PAPOLA: variants seen among roughly 807,000 people sequenced by gnomAD.
PAPOLA encodes polynucleotide adenylyltransferase alpha.
PAPOLA carries 15 observed loss-of-function variants against 100.6 expected under a neutral mutation model. That is an observed-to-expected ratio of 0.15 (90% CI 0.10 to 0.23). PAPOLA has a LOEUF of 0.23. PAPOLA is among the 10% of genes least tolerant of loss of function. PAPOLA has a pLI of 1.00. For missense variants in PAPOLA, 533 were observed against 884.2 expected, an observed-to-expected ratio of 0.60 and a Z score of 5.04; for synonymous variants, 293 against 300.0, an observed-to-expected ratio of 0.98 and a Z score of 0.24.
chr14:96,527,407 T>C (rs1898584436), intron 4 of PAPOLA, 23 bp from the exon 5 acceptor site: 3 of 1,407,064 alleles, frequency 2.1e-6, no homozygotes, highest in Non-Finnish European at 3.0e-6. Flanking sequence ...TAATTAGTGG[T>C]TGATGGGCTT....
chr14:96,548,022 T>A, intron 16 of PAPOLA, 104 bp downstream of exon 16: 1 of 962,160 alleles, frequency 1.0e-6, no homozygotes, highest in Non-Finnish European at 1.5e-6. Context: ...TCATTTTAAA[T>A]AGATGACAGC....
chr14:96,521,890 C>T (rs1354894019), intron 3 of PAPOLA, among the ~76,000 whole-genome samples: 1 of 152,110 alleles, frequency 6.6e-6, no homozygotes, highest in Non-Finnish European at 1.5e-5. Flanking sequence ...CAACCACCAC[C>T]TCCCGGGTTC....
chr14:96,544,057 T>G, intron 14 of PAPOLA, 92 bp from the exon 15 acceptor site: 1 of 731,170 alleles, frequency 1.4e-6, no homozygotes, highest in Non-Finnish European at 2.4e-6. Flanking sequence ...ACATTTGTAT[T>G]GTAAGTTTTT....
chr14:96,546,414 C>T (rs1900399978), intron 15 of PAPOLA, among the ~76,000 whole-genome samples: 1 of 152,098 alleles, frequency 6.6e-6, no homozygotes, highest in African/African-American at 2.4e-5. Flanking sequence ...TATCTTGCCT[C>T]CTTAAAACCT....
intron 9 of PAPOLA, chr14:96,534,262 A>C (rs1899325523): frequency 1.5e-5 from 20 of 1,345,226 alleles, no homozygotes; most frequent in Non-Finnish European, 9.5e-7. Flanking sequence ...GTGGCAGAGA[A>C]CGTTTTTGGT....
chr14:96,533,460 C>A, intron 9 of PAPOLA: 2 of 983,710 alleles, frequency 2.0e-6, no homozygotes, highest in Non-Finnish European at 2.4e-6. Flanking sequence ...AGAACCATGC[C>A]ACACTTTTCA....
rs1413020909 is a variant in PAPOLA at position 96,507,280 on chromosome 14, G to GTTTTTTGTT, written c.8+4686_8+4687insGTTTTTTTT. Among the ~76,000 whole-genome samples the GTTTTTTGTT allele has an allele frequency of 4.4e-3, 356 of 80,816 alleles. 5 individuals are homozygous for GTTTTTTGTT. Among genetic ancestry groups the GTTTTTTGTT allele is most frequent in the African/African-American group, 0.019 (332 of 17,702 alleles). 53.0% of individuals were successfully genotyped at this position (80,816 alleles called of 152,430 possible). A position where few individuals can be genotyped will look rare whatever the true frequency, so the allele number is the denominator to read the frequency against. ...ACTAAATTTTTTGTTTTGGAAAATA[G>GTTTTTTGTT]TTTTTTTTTTTTTTTTTTTTTTTTT... On this transcript the variant is annotated intron_variant, in intron 1 of 21. Transcript: ENST00000216277.
chr14:96,539,054 T>G (rs1039217552), intron 12 of PAPOLA, among the ~76,000 whole-genome samples: 3 of 152,114 alleles, frequency 2.0e-5, no homozygotes, highest in African/African-American at 4.8e-5. Context: ...TAACATTGTT[T>G]TGTGAAATTT....
Position 96,556,421 on chromosome 14 carries a change from T to C in PAPOLA, c.2004+8T>C, listed in dbSNP as rs1463153330. The C allele has an allele frequency of 1.3e-6, 2 of 1,553,366 alleles. No individual in the cohort carries two copies. Among genetic ancestry groups the C allele is most frequent in the African/African-American group, 2.7e-5 (2 of 73,490 alleles). Reference sequence around the variant, plus strand: ...AAAACCAAAACAGAAGAGGTATATATATGAAAAACATATTAGTTAGCCATG... The same window carrying C: ...AAAACCAAAACAGAAGAGGTATATACATGAAAAACATATTAGTTAGCCATG... On this transcript the variant is annotated splice_region_variant and intron_variant, in intron 19 of 21. Coordinates refer to ENST00000216277, the MANE Select transcript of PAPOLA (RefSeq NM_032632.5).
intron 18 of PAPOLA, 111 bp from the exon 19 acceptor site, chr14:96,556,064 T>G (rs1901296180): frequency 8.4e-7 from 1 of 1,183,488 alleles, no homozygotes; most frequent in Non-Finnish European, 1.2e-6. Flanking sequence ...TGCCAGTTTA[T>G]TTTTTGCATG....
intron 1 of PAPOLA, among the ~76,000 whole-genome samples, chr14:96,519,842 A>G (rs2140252808): frequency 6.6e-6 from 1 of 152,342 alleles, no homozygotes; most frequent in Non-Finnish European, 1.5e-5. Flanking sequence ...ATTCTAACTT[A>G]GATGTTTAAG....
intron 1 of PAPOLA, among the ~76,000 whole-genome samples, chr14:96,515,905 G>C (rs1897417547): frequency 6.6e-6 from 1 of 152,202 alleles, no homozygotes; most frequent in South Asian, 2.1e-4. Flanking sequence ...AGAATGGGAG[G>C]AGGAACTTTG....
At chr14:96,515,677 T>C (rs1897403035) in intron 1 of PAPOLA, among the ~76,000 whole-genome samples, 1 of 152,182 alleles carries the variant, frequency 6.6e-6, no homozygotes, top group Admixed American at 6.5e-5. Flanking sequence ...GAGACGAAAA[T>C]GGACCAGTTG....
intron 1 of PAPOLA, among the ~76,000 whole-genome samples, chr14:96,503,362 T>A (rs1050831607): frequency 6.6e-6 from 1 of 152,176 alleles, no homozygotes; most frequent in Non-Finnish European, 1.5e-5. Context: ...ACTTTTTTTT[T>A]CCTGGTTGTA....
At chr14:96,532,960 G>T in intron 9 of PAPOLA, 1 of 1,046,330 alleles carries the variant, frequency 9.6e-7, no homozygotes, top group Non-Finnish European at 1.2e-6. Context: ...CTATACTTTT[G>T]GATAAAACTT....
chr14:96,535,652 A>G (rs1011373710), intron 10 of PAPOLA: 1 of 980,482 alleles, frequency 1.0e-6, no homozygotes, highest in Non-Finnish European at 1.3e-6. Context: ...CTTTCTAGTA[A>G]GGTTGCCAAA....
At chr14:96,527,669 A>G (rs1898610993) in intron 5 of PAPOLA, 130 bp downstream of exon 5, 1 of 632,108 alleles carries the variant, frequency 1.6e-6, no homozygotes, top group South Asian at 1.9e-5. Context: ...CACTTGGCAT[A>G]TGTGTTTGTG....
chr14:96,521,752 TC>T (rs1897981942), intron 3 of PAPOLA, among the ~76,000 whole-genome samples: 7 of 152,318 alleles, frequency 4.6e-5, no homozygotes, highest in African/African-American at 1.7e-4. Flanking sequence ...GTGCTAGTGT[TC>T]CAGGCGTGAG....
At chr14:96,561,828 G>GTTT (rs529927594) in intron 20 of PAPOLA, among the ~76,000 whole-genome samples, 45 of 125,838 alleles carry the variant, frequency 3.6e-4, no homozygotes, top group Middle Eastern at 4.2e-3. Flanking sequence ...ACAATATTTC[G>GTTT]TTTTTTTTTT....
Sources: gnomAD v4.1 joint callset for allele counts (sites outside exome capture counted in the v4.1 genomes callset) on GRCh38, gnomAD v4.1.1 for gene constraint, MANE v1.5 for transcripts, NCBI Gene and HGNC (gene_info 2026-07-23, HGNC 2026-07-21) for gene names.